The following CRPPA variants were observed in gnomAD, a reference collection of about 807,000 sequenced individuals.
The protein encoded by CRPPA is D-ribitol-5-phosphate cytidylyltransferase.
A neutral mutation model predicts 52.0 loss-of-function variants in CRPPA; 43 were observed. The ratio of observed to expected loss-of-function variants is 0.83; its 90% confidence interval spans 0.65 to 1.07. The LOEUF (loss-of-function observed/expected upper bound fraction) is 1.07. CRPPA is among the 50% of genes least tolerant of loss of function. The pLI, the probability that CRPPA is intolerant of heterozygous loss-of-function variation, is 0.00. For synonymous variants in CRPPA, 250 were observed against 203.5 expected, an observed-to-expected ratio of 1.23 and a Z score of -1.94; for missense variants, 629 against 551.7, an observed-to-expected ratio of 1.14 and a Z score of -1.40.
At chr7:16,316,964 G>A (rs1274008140) in intron 3 of CRPPA, among the ~76,000 whole-genome samples, 1 of 152,066 alleles carries the variant, frequency 6.6e-6, no homozygotes, top group Non-Finnish European at 1.5e-5. Flanking sequence ...CTACCATCGT[G>A]ATAAACACAG....
chr7:16,313,191 C>G (rs1200997968), intron 3 of CRPPA, among the ~76,000 whole-genome samples: 1 of 151,872 alleles, frequency 6.6e-6, no homozygotes, highest in Non-Finnish European at 1.5e-5. Flanking sequence ...GTGAACCCAC[C>G]TAAGTCTAGT....
chr7:16,258,296 A>G (rs966210361), intron 8 of CRPPA, 94 bp downstream of exon 8: 4 of 730,326 alleles, frequency 5.5e-6, no homozygotes, highest in Admixed American at 2.8e-5. Context: ...GTATGGGTCA[A>G]TGCTCTCAAT....
chr7:16,274,961 C>T (rs1303136399), intron 6 of CRPPA, among the ~76,000 whole-genome samples: 1 of 151,682 alleles, frequency 6.6e-6, no homozygotes, highest in Non-Finnish European at 1.5e-5. Context: ...ACTATAAAAC[C>T]AATATTTGGG....
intron 9 of CRPPA, among the ~76,000 whole-genome samples, chr7:16,156,973 T>C (rs1783194699): frequency 6.6e-6 from 1 of 152,168 alleles, no homozygotes; most frequent in Non-Finnish European, 1.5e-5. Flanking sequence ...CAGCAGAGCA[T>C]GTGAGCAGCA....
At chr7:16,396,804 A>C (rs1787586849) in intron 2 of CRPPA, among the ~76,000 whole-genome samples, 2 of 152,262 alleles carry the variant, frequency 1.3e-5, no homozygotes. Context: ...GTGTAACTAA[A>C]GATGTGTGGC....
chr7:16,134,616 T>A (rs1044906963), intron 9 of CRPPA, among the ~76,000 whole-genome samples: 10 of 152,192 alleles, frequency 6.6e-5, no homozygotes, highest in Admixed American at 3.9e-4. Context: ...CCCAACCCAA[T>A]GTTGTTCAAG....
intron 6 of CRPPA, among the ~76,000 whole-genome samples, chr7:16,263,123 G>A (rs1783855473): frequency 6.6e-6 from 1 of 152,076 alleles, no homozygotes. Context: ...TCCTAGAAGA[G>A]CTTCATTTTT....
At chr7:16,279,753 A>G (rs983830993) in intron 5 of CRPPA, among the ~76,000 whole-genome samples, 1 of 152,178 alleles carries the variant, frequency 6.6e-6, no homozygotes, top group South Asian at 2.1e-4. Flanking sequence ...GAAGGAAACA[A>G]CATTTTAATG....
intron 3 of CRPPA, among the ~76,000 whole-genome samples, chr7:16,315,453 C>T (rs1009378043): frequency 6.6e-6 from 1 of 152,134 alleles, no homozygotes; most frequent in African/African-American, 2.4e-5. Flanking sequence ...GTAAATCGGA[C>T]TTGTACTTTC....
Position 16,258,974 on chromosome 7 carries a change from G to T in CRPPA, c.972C>A (p.Gly324=), listed in dbSNP as rs370052768. Residue 324 remains glycine (G), a synonymous_variant, in exon 7 of 10, where the codon GGC becomes GGA. Coordinates refer to ENST00000407010, the MANE Select transcript of CRPPA (RefSeq NM_001101426.4). The stretch of plus-strand genomic sequence containing the variant: ...CTAAGATGATTTGCTGAAGATGTCT[G>T]CCAGCATGACCCAGAGCCTCAGATG... ...KVTSEALGHA[G]RHLQQIILDQ... 4.2e-5 allele frequency: 67 copies of T among 1,611,122 alleles called. No homozygotes were observed. The highest frequency in any genetic ancestry group is 5.5e-5 in the Non-Finnish European group (65 of 1,178,390).
rs139075814 is a variant in CRPPA at position 16,103,534 on chromosome 7, T to G, written c.1252-11735A>C. On this transcript the variant is annotated intron_variant, in intron 9 of 9. Coordinates refer to ENST00000407010, the MANE Select transcript of CRPPA (RefSeq NM_001101426.4). ...ACACCATAAAAATAAAAACCTTATA[T>G]TTGTACTTGGGAACTGGAAACAGTG... Among the ~76,000 whole-genome samples, 8 of 152,276 alleles carry G rather than the reference T, an allele frequency of 5.3e-5. No individual in the cohort carries two copies. In the East Asian group the frequency reaches 1.5e-3, roughly 29 times the overall value.
Position 16,398,938 on chromosome 7 carries a change from G to A in CRPPA, c.534+7123C>T, listed in dbSNP as rs545179420. ...CACATGATCGAGTCGTTACTGACAC[G>A]TGATCATCACGTAATCAACACGTGA... On this transcript the variant is annotated intron_variant, in intron 2 of 9. Transcript: ENST00000407010. Among the ~76,000 whole-genome samples, 25 of 152,308 alleles carry A rather than the reference G, an allele frequency of 1.6e-4. No homozygotes were observed. In the South Asian group the frequency reaches 2.9e-3, roughly 18 times the overall value.
At chr7:16,157,420 G>A (rs927519834) in intron 9 of CRPPA, among the ~76,000 whole-genome samples, 13 of 151,946 alleles carry the variant, frequency 8.6e-5, no homozygotes, top group African/African-American at 2.4e-4. Flanking sequence ...TTATATTAAC[G>A]AAATATTAAA....
In CRPPA at chr7:16,343,337, C is replaced by T. The variant is rs141943112; in HGVS notation, c.684+32755G>A. On this transcript the variant is annotated intron_variant, in intron 3 of 9. Coordinates refer to ENST00000407010, the MANE Select transcript of CRPPA (RefSeq NM_001101426.4). ...ATTAACCTTATAACAAAACCACTTC[C>T]TCTCCACCCCCCAACTCTTCTGAAT... is the stretch of plus-strand genomic sequence containing the variant. Among the ~76,000 whole-genome samples the T allele has an allele frequency of 5.6e-3, 848 of 152,116 alleles. 14 individuals carry two copies. Among genetic ancestry groups the T allele is most frequent in the Admixed American group, 0.026 (398 of 15,278 alleles).
intron 6 of CRPPA, among the ~76,000 whole-genome samples, chr7:16,263,279 C>T (rs908031158): frequency 1.1e-4 from 17 of 152,148 alleles, no homozygotes; most frequent in African/African-American, 3.6e-4. Flanking sequence ...CCACCCATTC[C>T]ACTCTTCAAC....
chr7:16,346,629 T>G (rs1314023378), intron 3 of CRPPA, among the ~76,000 whole-genome samples: 5 of 152,108 alleles, frequency 3.3e-5, no homozygotes, highest in African/African-American at 9.7e-5. Context: ...TATTTCTCTG[T>G]GGTAGAATAA....
chr7:16,138,990 C>G (rs183682742), intron 9 of CRPPA, among the ~76,000 whole-genome samples: 3 of 152,110 alleles, frequency 2.0e-5, no homozygotes, highest in Non-Finnish European at 4.4e-5. Context: ...TTAGTAGATA[C>G]AGGTTTTCAC....
At chr7:16,152,347 CTTTAT>C (rs1173668307) in intron 9 of CRPPA, among the ~76,000 whole-genome samples, 1 of 151,922 alleles carries the variant, frequency 6.6e-6, no homozygotes, top group East Asian at 1.9e-4. Flanking sequence ...AGATAAACGA[CTTTAT>C]TTTAATAGAA....
chr7:16,408,280 C>T (rs1403486840), intron 1 of CRPPA, among the ~76,000 whole-genome samples: 1 of 152,116 alleles, frequency 6.6e-6, no homozygotes, highest in Non-Finnish European at 1.5e-5. Flanking sequence ...GCTAAACAGT[C>T]TGGAGGAGAC....
Sources: gnomAD v4.1 joint callset for allele counts (sites outside exome capture counted in the v4.1 genomes callset) on GRCh38, gnomAD v4.1.1 for gene constraint, MANE v1.5 for transcripts, NCBI Gene and HGNC (gene_info 2026-07-23, HGNC 2026-07-21) for gene names.